Variants in IGSF11 observed in about 807,000 individuals in gnomAD.
The protein encoded by IGSF11 is CXADR like 1.
IGSF11 carries 22 observed loss-of-function variants against 41.0 expected under a neutral mutation model. That is an observed-to-expected ratio of 0.54 (90% CI 0.38 to 0.77). The LOEUF is 0.77. IGSF11 is among the 30% of genes least tolerant of loss of function. The pLI, the probability that IGSF11 is intolerant of heterozygous loss-of-function variation, is 0.00. For synonymous variants in IGSF11, 219 were observed against 201.3 expected (o/e 1.09, Z -0.74); for missense variants, 444 against 530.8 (o/e 0.84, Z 1.61).
chr3:119,013,037 C>G (rs1227016840), intron 1 of IGSF11: 1 of 152,308 alleles, frequency 6.6e-6, no homozygotes, highest in African/African-American at 2.4e-5. Context: ...CTACTTGCGG[C>G]TCCCAGGCTA....
At position 118,902,719 on chromosome 3, in the gene IGSF11, G is replaced by A. The variant is rs770373736; in HGVS notation, c.1097C>T (p.Pro366Leu). ...CACTACCAGAGTCTTATGTTGACCC[G>A]GGACCAGATGGGTCCCATTAGCATA... is the stretch of plus-strand genomic sequence containing the variant. Reference protein sequence around the residue: ...SIYANGTHLVPGQHKTLVVTA... With the variant: ...SIYANGTHLVLGQHKTLVVTA... Residue 366 changes from proline (P) to leucine (L), a missense_variant, in exon 7 of 7, where the codon CCG (proline) becomes CTG (leucine). Pro to Leu is a moderately conservative substitution (Grantham distance 98). Coordinates refer to ENST00000393775, the MANE Select transcript of IGSF11 (RefSeq NM_001015887.3). 33 of 1,613,978 alleles carry A rather than the reference G, an allele frequency of 2.0e-5. No individual in the cohort carries two copies. Among genetic ancestry groups the A allele is most frequent in the South Asian group, 6.6e-5 (6 of 91,082 alleles).
intron 1 of IGSF11, among the ~76,000 whole-genome samples, chr3:119,085,723 C>T (rs1415952586): frequency 6.6e-6 from 1 of 152,160 alleles, no homozygotes; most frequent in Non-Finnish European, 1.5e-5. Flanking sequence ...GAGCTGAAGA[C>T]TTCATTAAAA....
chr3:118,968,839 T>C (rs1170575251), intron 1 of IGSF11, among the ~76,000 whole-genome samples: 1 of 152,262 alleles, frequency 6.6e-6, no homozygotes, highest in East Asian at 1.9e-4. Flanking sequence ...AAGTCAGCTT[T>C]GTTGTACTTG....
At chr3:119,038,043 C>T (rs1940979351), upstream of IGSF11, among the ~76,000 whole-genome samples, 1 of 152,040 alleles carries the variant, frequency 6.6e-6, no homozygotes, top group African/African-American at 2.4e-5. Flanking sequence ...TATTTTAACC[C>T]AGCTGCTTAG....
intron 1 of IGSF11, among the ~76,000 whole-genome samples, chr3:119,083,845 G>C (rs779445124): frequency 2.3e-4 from 35 of 152,136 alleles, no homozygotes; most frequent in Non-Finnish European, 4.4e-4. Context: ...CATTCTTTTA[G>C]AGTATACTCC....
Position 118,926,653 on chromosome 3 carries a change from G to A in IGSF11, c.425-397C>T, listed in dbSNP as rs138837624. 4.5e-3 allele frequency among the ~76,000 whole-genome samples: 686 copies of A among 152,256 alleles called. 3 individuals carry two copies. Among genetic ancestry groups the A allele is most frequent in the African/African-American group, 0.016 (664 of 41,546 alleles). On this transcript the variant is annotated intron_variant, in intron 3 of 6. Transcript: ENST00000393775. Reference sequence around the variant, plus strand: ...TTCAGGGAAAAACAACCATTATCCTGCCCTGGCGAAAACCACTTTAACAAG... The same window carrying A: ...TTCAGGGAAAAACAACCATTATCCTACCCTGGCGAAAACCACTTTAACAAG...
At chr3:119,125,759 G>T (rs1278436504) in intron 1 of IGSF11, among the ~76,000 whole-genome samples, 1 of 152,154 alleles carries the variant, frequency 6.6e-6, no homozygotes, top group African/African-American at 2.4e-5. Flanking sequence ...TAGAAGGCTG[G>T]CATGACCCAC....
At chr3:119,122,781 G>A (rs1244255365) in intron 1 of IGSF11, among the ~76,000 whole-genome samples, 1 of 152,148 alleles carries the variant, frequency 6.6e-6, no homozygotes, top group Non-Finnish European at 1.5e-5. Context: ...TGAACCCACT[G>A]CCTTGAAGGT....
At chr3:119,095,402 A>T (rs758152344) in intron 1 of IGSF11, among the ~76,000 whole-genome samples, 6 of 152,232 alleles carry the variant, frequency 3.9e-5, no homozygotes, top group Non-Finnish European at 7.3e-5. Flanking sequence ...GACATGGTAC[A>T]GGTGACCTTA....
intron 1 of IGSF11, among the ~76,000 whole-genome samples, chr3:119,070,756 A>G (rs1435655): frequency 0.055 from 8,427 of 152,260 alleles, 370 homozygotes; most frequent in Admixed American, 0.15. Flanking sequence ...GACAATGATC[A>G]GGATGCTGTG....
intron 4 of IGSF11, among the ~76,000 whole-genome samples, chr3:118,913,442 T>C (rs1940609276): frequency 6.6e-6 from 1 of 151,992 alleles, no homozygotes; most frequent in Admixed American, 6.6e-5. Context: ...AAAACACAAA[T>C]GCCTACAGAC....
chr3:119,052,926 C>T (rs915695803), intron 1 of IGSF11, among the ~76,000 whole-genome samples: 4 of 152,200 alleles, frequency 2.6e-5, no homozygotes, highest in African/African-American at 9.6e-5. Context: ...TCTGAAAAAG[C>T]GTTTCACAAA....
intron 1 of IGSF11, among the ~76,000 whole-genome samples, chr3:119,048,410 A>C (rs1021158825): frequency 3.9e-5 from 6 of 152,328 alleles, no homozygotes; most frequent in South Asian, 2.1e-4. Context: ...GAAATGGATA[A>C]ATTCTTGACA....
intron 4 of IGSF11, among the ~76,000 whole-genome samples, chr3:118,923,343 G>GT (rs1559902830): frequency 6.6e-6 from 1 of 152,136 alleles, no homozygotes; most frequent in Non-Finnish European, 1.5e-5. Flanking sequence ...TCTTTTATAA[G>GT]GTTGAAGACA....
chr3:118,902,447 T>TGGCCCCCCCCCCCC lies in IGSF11; in HGVS notation c.*72_*73insGGGGGGGGGGGGCC. On this transcript the variant is annotated 3_prime_UTR_variant, in exon 7 of 7. Coordinates refer to ENST00000393775, the MANE Select transcript of IGSF11 (RefSeq NM_001015887.3). ...TAAGGAAGTGTTTCTTTCCCAGCAC[T>TGGCCCCCCCCCCCC]CCCCACCCCACCCTCCCCCTTGTAT... 1 of 563,916 alleles carries TGGCCCCCCCCCCCC rather than the reference T, an allele frequency of 1.8e-6. No individual in the cohort carries two copies. Among genetic ancestry groups the TGGCCCCCCCCCCCC allele is most frequent in the East Asian group, 3.2e-5 (1 of 31,444 alleles). 34.9% of individuals were successfully genotyped at this position (563,916 alleles called of 1,614,324 possible).
chr3:119,119,990 A>G (rs1186987904), intron 1 of IGSF11, among the ~76,000 whole-genome samples: 3 of 152,218 alleles, frequency 2.0e-5, no homozygotes, highest in East Asian at 1.9e-4. Context: ...AAGCTCAAAC[A>G]TATTCCTAAA....
chr3:118,919,000 C>T (rs1195105414), intron 4 of IGSF11, among the ~76,000 whole-genome samples: 1 of 122,752 alleles, frequency 8.1e-6, no homozygotes, highest in Non-Finnish European at 1.6e-5. Flanking sequence ...GAAAAACAAG[C>T]AATGGGGAAA....
At chr3:119,066,277 T>C (rs1458298323) in intron 1 of IGSF11, among the ~76,000 whole-genome samples, 3 of 152,212 alleles carry the variant, frequency 2.0e-5, no homozygotes, top group African/African-American at 7.2e-5. Flanking sequence ...CATGGACATA[T>C]CTTTTTGGGT....
chr3:119,062,667 G>T (rs1450979249), intron 1 of IGSF11, among the ~76,000 whole-genome samples: 1 of 152,158 alleles, frequency 6.6e-6, no homozygotes, highest in Admixed American at 6.5e-5. Flanking sequence ...TAGCAAGGTG[G>T]CACTTCAAAC....
Sources: allele counts gnomAD v4.1 joint callset (sites outside exome capture counted in the v4.1 genomes callset), GRCh38; gene constraint gnomAD v4.1.1; transcripts MANE v1.5; gene names NCBI Gene and HGNC (gene_info 2026-07-23, HGNC 2026-07-21).